MMEL1: variants seen among roughly 807,000 people sequenced by gnomAD.
MMEL1 encodes membrane metalloendopeptidase like 1, also known as membrane metallo-endopeptidase-like 1.
Under a neutral mutation model 117.1 loss-of-function variants are expected in MMEL1, and 98 were observed. The observed-to-expected ratio is 0.84, with a 90% CI of 0.71 to 0.99. MMEL1 has a LOEUF of 0.99. Ranked by LOEUF, MMEL1 falls within the 50% of genes least tolerant of loss-of-function variation. The pLI is 0.00. For synonymous variants in MMEL1, 390 were observed against 415.1 expected, an observed-to-expected ratio of 0.94 and a Z score of 0.74; for missense variants, 1,014 against 1,049.1, an observed-to-expected ratio of 0.97 and a Z score of 0.46.
At position 2,609,650 on chromosome 1, in the gene MMEL1, C is replaced by A. The variant is rs202238394; in HGVS notation, c.454+20G>T. On this transcript the variant is annotated intron_variant, in intron 5 of 23. Transcript: ENST00000378412. ...CCTGTTCGGCGTCACCCCACTGCAC[C>A]CCCGGCCGTGCTCTGCCACCTTTGA... 6,499 of 1,596,324 alleles carry A rather than the reference C, an allele frequency of 4.1e-3. 19 individuals carry two copies. The highest frequency in any genetic ancestry group is 5.0e-3 in the Non-Finnish European group (5,875 of 1,170,602).
At chr1:2,618,425 G>A (rs1438356463) in intron 2 of MMEL1, among the ~76,000 whole-genome samples, 5 of 152,176 alleles carry the variant, frequency 3.3e-5, no homozygotes, top group Non-Finnish European at 1.5e-5. Context: ...TCAGTCTCAG[G>A]TATTCCTTTA....
At chr1:2,605,668 C>T (rs528011006) in intron 8 of MMEL1, 45 bp from the exon 9 acceptor site, 2 of 1,521,138 alleles carry the variant, frequency 1.3e-6, no homozygotes, top group South Asian at 1.1e-5. Context: ...GCCCGGGGTC[C>T]CCGCAGCCTG....
At chr1:2,593,775 G>A (rs777220135) in intron 19 of MMEL1, 39 bp downstream of exon 19, 10 of 1,539,474 alleles carry the variant, frequency 6.5e-6, no homozygotes, top group Admixed American at 1.9e-5. Context: ...TCTCCGCGGA[G>A]AGGGGAGGGC....
At chr1:2,596,720 C>A (rs759519916) in intron 13 of MMEL1, 31 bp from the exon 14 acceptor site, 3 of 1,608,248 alleles carry the variant, frequency 1.9e-6, no homozygotes, top group East Asian at 2.2e-5. Flanking sequence ...TCCCACGGGC[C>A]CCCACGTCAG....
At chr1:2,601,764 A>C (rs1644935193) in intron 11 of MMEL1, among the ~76,000 whole-genome samples, 1 of 152,244 alleles carries the variant, frequency 6.6e-6, no homozygotes. Flanking sequence ...GACGTTCCAC[A>C]AAAGGGAATG....
At position 2,594,781 on chromosome 1, in the gene MMEL1, G is replaced by T; in HGVS notation, c.1688+9C>A. On this transcript the variant is annotated intron_variant, in intron 17 of 23. Coordinates refer to ENST00000378412, the MANE Select transcript of MMEL1 (RefSeq NM_033467.4). The stretch of plus-strand genomic sequence containing the variant: ...CCCCCGCCCATGCCGCACCAGCGAT[G>T]CCACTCACAGATTTGGGTCCACCTT... The T allele has an allele frequency of 6.3e-7, 1 of 1,595,626 alleles. No individual in the cohort carries two copies. The highest frequency in any genetic ancestry group is 8.6e-7 in the Non-Finnish European group (1 of 1,163,532).
chr1:2,616,555 T>C (rs1447855073), intron 2 of MMEL1, among the ~76,000 whole-genome samples: 1 of 152,108 alleles, frequency 6.6e-6, no homozygotes, highest in Non-Finnish European at 1.5e-5. Flanking sequence ...AATAAAGACA[T>C]TTTAGACCAA....
intron 2 of MMEL1, among the ~76,000 whole-genome samples, chr1:2,617,155 C>T (rs983768032): frequency 6.6e-6 from 1 of 151,786 alleles, no homozygotes; most frequent in Admixed American, 6.6e-5. Flanking sequence ...TGGCCAGGCG[C>T]GGTGGCTCAC....
intron 2 of MMEL1, among the ~76,000 whole-genome samples, chr1:2,627,303 G>A (rs1570717592): frequency 6.6e-6 from 1 of 152,120 alleles, no homozygotes. Flanking sequence ...TACAAGAACG[G>A]GTGATTCTTT....
At chr1:2,603,807 C>T (rs1570670711) in intron 11 of MMEL1, 77 bp downstream of exon 11, 1 of 1,367,342 alleles carries the variant, frequency 7.3e-7, no homozygotes, top group Non-Finnish European at 1.0e-6. Flanking sequence ...GCAACGTGCC[C>T]TCTCAGAGGG....
intron 2 of MMEL1, among the ~76,000 whole-genome samples, chr1:2,626,153 A>G (rs1638265206): frequency 6.6e-6 from 1 of 152,186 alleles, no homozygotes; most frequent in South Asian, 2.1e-4. Flanking sequence ...GCGATTATGT[A>G]CCGATTCATG....
At chr1:2,594,738 C>G in intron 17 of MMEL1, 52 bp downstream of exon 17, 4 of 1,492,842 alleles carry the variant, frequency 2.7e-6, no homozygotes, top group Non-Finnish European at 3.7e-6. Flanking sequence ...GCACGCCTTA[C>G]TGGCCACTCC....
intron 5 of MMEL1, 34 bp from the exon 6 acceptor site, chr1:2,609,453 G>A (rs1370430788): frequency 7.5e-6 from 12 of 1,594,946 alleles, no homozygotes; most frequent in South Asian, 2.2e-5. Flanking sequence ...ACAGAGGCCT[G>A]ACGAGGCTGC....
At chr1:2,627,093 A>T (rs1375851867) in intron 2 of MMEL1, among the ~76,000 whole-genome samples, 1 of 152,272 alleles carries the variant, frequency 6.6e-6, no homozygotes, top group Non-Finnish European at 1.5e-5. Flanking sequence ...TGTCAGGCTC[A>T]ACAGGATTTA....
At chr1:2,610,173 T>G (rs1031466089) in intron 4 of MMEL1, among the ~76,000 whole-genome samples, 1 of 152,172 alleles carries the variant, frequency 6.6e-6, no homozygotes, top group Non-Finnish European at 1.5e-5. Context: ...CCTGAGTAGC[T>G]GGGATAACAG....
chr1:2,624,323 C>T (rs1645336589), intron 2 of MMEL1, among the ~76,000 whole-genome samples: 1 of 152,150 alleles, frequency 6.6e-6, no homozygotes, highest in South Asian at 2.1e-4. Flanking sequence ...AACAGGAGCT[C>T]ATTGCTGGAG....
chr1:2,604,113 G>A (rs762658602), intron 10 of MMEL1, 34 bp downstream of exon 10: 22 of 1,547,620 alleles, frequency 1.4e-5, no homozygotes, highest in South Asian at 2.3e-5. Flanking sequence ...CAGCCCACTC[G>A]CTGCCCGCTC....
intron 2 of MMEL1, among the ~76,000 whole-genome samples, chr1:2,615,840 T>C (rs1645192099): frequency 6.6e-6 from 1 of 152,186 alleles, no homozygotes; most frequent in African/African-American, 2.4e-5. Flanking sequence ...TATATGTAAC[T>C]AGAGACTCAG....
At chr1:2,613,975 CAGG>C (rs746605297) in intron 2 of MMEL1, among the ~76,000 whole-genome samples, 118 of 152,116 alleles carry the variant, frequency 7.8e-4, no homozygotes, top group Admixed American at 4.3e-3. Context: ...TAGTAGTTGC[CAGG>C]AGTTTGGGAA....
Sources: allele counts gnomAD v4.1 joint callset (sites outside exome capture counted in the v4.1 genomes callset), GRCh38; gene constraint gnomAD v4.1.1; transcripts MANE v1.5; gene names NCBI Gene and HGNC (gene_info 2026-07-23, HGNC 2026-07-21).